Variants in TAS2R1 observed in about 807,000 individuals in gnomAD.
TAS2R1 encodes taste receptor type 2 member 1.
For missense variants in TAS2R1, 370 were observed against 353.4 expected (o/e 1.05, Z -0.38); for synonymous variants, 141 against 134.2 (o/e 1.05, Z -0.35).
the TAS2R1 span, among the ~76,000 whole-genome samples, chr5:9,863,816 G>T: frequency 6.6e-6 from 1 of 152,328 alleles, no homozygotes; most frequent in Admixed American, 6.5e-5. Context: ...GGACCCAAGG[G>T]TGAACACACC....
the TAS2R1 span, among the ~76,000 whole-genome samples, chr5:9,890,806 C>T: frequency 2.1e-3 from 321 of 152,300 alleles, no homozygotes; most frequent in African/African-American, 7.3e-3. Flanking sequence ...CTGTGACCTA[C>T]TTATAACCAC....
upstream of TAS2R1, among the ~76,000 whole-genome samples, chr5:9,634,155 ATG>A (rs1294473003): frequency 6.6e-6 from 1 of 152,028 alleles, no homozygotes; most frequent in East Asian, 1.9e-4. Flanking sequence ...ATTCTTCTAC[ATG>A]TGGCTTGCCA....
chr5:9,633,852 T>C (rs1445897436), upstream of TAS2R1, among the ~76,000 whole-genome samples: 2 of 152,172 alleles, frequency 1.3e-5, no homozygotes, highest in African/African-American at 4.8e-5. Flanking sequence ...ATTAGTTCTT[T>C]GTCAGATGCA....
chr5:9,688,831 G>A (rs554114393), intron 1 of TAS2R1, among the ~76,000 whole-genome samples: 2 of 152,046 alleles, frequency 1.3e-5, no homozygotes, highest in Admixed American at 6.6e-5. Context: ...TTGTAAAAGC[G>A]ACTGTCTGCA....
Position 9,691,021 on chromosome 5 carries a change from G to A in TAS2R1, c.-242+21151C>T, listed in dbSNP as rs182565612. Reference sequence around the variant, plus strand: ...AGATAAACGTGGGCGTCTCTGCACTGTCATGGGTTGGATGATGGTCCCCAG... The same window carrying A: ...AGATAAACGTGGGCGTCTCTGCACTATCATGGGTTGGATGATGGTCCCCAG... On this transcript the variant is annotated intron_variant, in intron 1 of 2. Transcript: ENST00000506620. Among the ~76,000 whole-genome samples the A allele has an allele frequency of 2.2e-3, 337 of 152,306 alleles. 1 individual carries two copies. The highest frequency in any genetic ancestry group is 7.7e-3 in the African/African-American group (319 of 41,564).
intron 1 of TAS2R1, among the ~76,000 whole-genome samples, chr5:9,676,553 A>G (rs549611312): frequency 2.6e-5 from 4 of 152,330 alleles, no homozygotes; most frequent in African/African-American, 9.6e-5. Flanking sequence ...GTATACATAC[A>G]TACATACACA....
chr5:9,629,991 C>G lies in TAS2R1; in HGVS notation c.42G>C (p.Val14=). ...TGAAAATCCCAAGAAGAAATTGTAT[C>G]ACTGCAAGAAGAAAATAGATAATGA... ...SHLIIYFLLA[V]IQFLLGIFTN... The change falls in exon 1 of 1, where the codon GTG becomes GTC. Residue 14 remains valine, a synonymous_variant. Transcript: ENST00000382492. The G allele has an allele frequency of 6.3e-7, 1 of 1,595,482 alleles. No individual in the cohort carries two copies. Among genetic ancestry groups the G allele is most frequent in the East Asian group, 2.2e-5 (1 of 44,734 alleles).
At chr5:9,632,465 T>C (rs1490065462), upstream of TAS2R1, among the ~76,000 whole-genome samples, 1 of 152,182 alleles carries the variant, frequency 6.6e-6, no homozygotes, top group African/African-American at 2.4e-5. Flanking sequence ...ATTGATGAAC[T>C]CTTCCTTTCA....
At position 9,658,724 on chromosome 5, in the gene TAS2R1, G is replaced by A. The variant is rs530542970; in HGVS notation, c.-81+697C>T. 14 of 152,296 alleles carry A rather than the reference G, an allele frequency of 9.2e-5. No individual in the cohort carries two copies. In the East Asian group the frequency reaches 1.7e-3, roughly 19 times the overall value. The allele number at this position is 152,296 out of a possible 1,614,324, so 9.4% of individuals were successfully genotyped here. On this transcript the variant is annotated intron_variant, in intron 2 of 2. Coordinates refer to the TAS2R1 transcript ENST00000506620. The stretch of plus-strand genomic sequence containing the variant: ...CTCGTATTTGGTAGCAATGTGAGTT[G>A]ATAATCCAATTTAAAAGCTGTTACT...
At chr5:9,652,951 C>T (rs143168189) in intron 2 of TAS2R1, among the ~76,000 whole-genome samples, 2 of 152,242 alleles carry the variant, frequency 1.3e-5, no homozygotes, top group African/African-American at 4.8e-5. Flanking sequence ...GGTACATTCA[C>T]ATTTTAGTGT....
At chr5:9,790,633 T>A in the TAS2R1 span, among the ~76,000 whole-genome samples, 4 of 151,802 alleles carry the variant, frequency 2.6e-5, no homozygotes, top group Non-Finnish European at 5.9e-5. Context: ...AAAATAAGAA[T>A]TTTTTTTTCT....
intron 1 of TAS2R1, among the ~76,000 whole-genome samples, chr5:9,702,023 T>C (rs1359557807): frequency 2.0e-5 from 3 of 152,188 alleles, no homozygotes; most frequent in Non-Finnish European, 4.4e-5. Flanking sequence ...CAGAAACATT[T>C]AGGACGATGT....
At chr5:9,895,643 G>A in the TAS2R1 span, among the ~76,000 whole-genome samples, 1 of 152,182 alleles carries the variant, frequency 6.6e-6, no homozygotes, top group Non-Finnish European at 1.5e-5. Context: ...GATCTGTTCT[G>A]TTACAAATCC....
chr5:9,888,267 C>T, the TAS2R1 span, among the ~76,000 whole-genome samples: 2 of 152,118 alleles, frequency 1.3e-5, no homozygotes, highest in East Asian at 3.9e-4. Context: ...GACTCTGAAA[C>T]ACCCCTGAAG....
chr5:9,687,877 A>G (rs1420671979), intron 1 of TAS2R1, among the ~76,000 whole-genome samples: 1 of 152,096 alleles, frequency 6.6e-6, no homozygotes, highest in Non-Finnish European at 1.5e-5. Flanking sequence ...CTGTAACCTC[A>G]AGACATTGTA....
the TAS2R1 span, among the ~76,000 whole-genome samples, chr5:9,751,291 AGAG>A: frequency 6.6e-6 from 1 of 151,846 alleles, no homozygotes; most frequent in African/African-American, 2.4e-5. Flanking sequence ...CCCCACCAAA[AGAG>A]GTTAGAACCA....
chr5:9,789,201 AT>A, the TAS2R1 span, among the ~76,000 whole-genome samples: 40 of 152,342 alleles, frequency 2.6e-4, no homozygotes, highest in Non-Finnish European at 5.3e-4. Context: ...GATACAAAGC[AT>A]CAAATCTGCC....
the TAS2R1 span, among the ~76,000 whole-genome samples, chr5:9,812,671 C>T: frequency 2.0e-5 from 3 of 152,232 alleles, no homozygotes; most frequent in East Asian, 1.9e-4. Flanking sequence ...ACTCCTCTGC[C>T]TTGTCTAGAA....
chr5:9,774,689 A>G, the TAS2R1 span, among the ~76,000 whole-genome samples: 1 of 152,256 alleles, frequency 6.6e-6, no homozygotes, highest in African/African-American at 2.4e-5. Flanking sequence ...TTGCAGACTC[A>G]TAGAGGTACT....
Sources: gnomAD v4.1 joint callset for allele counts (sites outside exome capture counted in the v4.1 genomes callset) on GRCh38, gnomAD v4.1.1 for gene constraint, MANE v1.5 for transcripts, NCBI Gene and HGNC (gene_info 2026-07-23, HGNC 2026-07-21) for gene names.